TOM1L2: variants seen among roughly 807,000 people sequenced by gnomAD.
The protein encoded by TOM1L2 is TOM1-like protein 2.
Under a neutral mutation model 67.9 loss-of-function variants are expected in TOM1L2, and 31 were observed. The ratio of observed to expected loss-of-function variants is 0.46; its 90% CI spans 0.34 to 0.62. The LOEUF is 0.62. Ranked by LOEUF, TOM1L2 falls within the 20% of genes least tolerant of loss-of-function variation. TOM1L2 has a pLI of 0.01. For synonymous variants in TOM1L2, 256 were observed against 254.0 expected (o/e 1.01, Z -0.07); for missense variants, 606 against 663.5 (o/e 0.91, Z 0.95).
chr17:17,874,157 T>C (rs1015827927), intron 7 of TOM1L2, among the ~76,000 whole-genome samples: 1 of 152,080 alleles, frequency 6.6e-6, no homozygotes, highest in Non-Finnish European at 1.5e-5. Flanking sequence ...GGTTTTACCA[T>C]GTTAGTCAGG....
rs553683004 is a variant in TOM1L2, at chr17:17,889,395, G to A, written c.366+4266C>T. Among the ~76,000 whole-genome samples, 4 of 152,280 alleles carry A rather than the reference G, an allele frequency of 2.6e-5. No homozygotes were observed. In the South Asian group the frequency reaches 6.2e-4, roughly 24 times the overall value. On this transcript the variant is annotated intron_variant, in intron 4 of 14. Coordinates refer to ENST00000379504, the MANE Select transcript of TOM1L2 (RefSeq NM_001082968.2). ...GGGCTGGGGGCAGGCAGATATGCAC[G>A]GATGAGCTCTATCACCCACTTCCCT...
intron 1 of TOM1L2, among the ~76,000 whole-genome samples, chr17:17,927,171 T>C (rs2040124871): frequency 6.6e-6 from 1 of 152,204 alleles, no homozygotes; most frequent in Admixed American, 6.5e-5. Flanking sequence ...CTAGTTTCTT[T>C]AGCACTAAAA....
intron 1 of TOM1L2, among the ~76,000 whole-genome samples, chr17:17,958,679 G>GT (rs2041566749): frequency 6.6e-6 from 1 of 152,178 alleles, no homozygotes; most frequent in Non-Finnish European, 1.5e-5. Flanking sequence ...CTGTGATACA[G>GT]TAAGAAATAT....
At chr17:17,874,007 G>C (rs2037292444) in intron 7 of TOM1L2, among the ~76,000 whole-genome samples, 3 of 151,198 alleles carry the variant, frequency 2.0e-5, no homozygotes, top group Admixed American at 2.0e-4. Context: ...CCAGCCTGGA[G>C]TGCAGTGGCA....
chr17:17,930,059 ACACTC>A (rs1245440330), intron 1 of TOM1L2, among the ~76,000 whole-genome samples: 3 of 152,174 alleles, frequency 2.0e-5, no homozygotes, highest in Non-Finnish European at 4.4e-5. Context: ...CATGGTTAAG[ACACTC>A]CATTCCAAAA....
intron 7 of TOM1L2, chr17:17,871,947 A>G (rs1159012132): frequency 1.0e-6 from 1 of 982,758 alleles, no homozygotes; most frequent in Admixed American, 6.2e-5. Flanking sequence ...TAAAGAGAAA[A>G]CTCCACAAAA....
chr17:17,928,625 G>T (rs1318295423), intron 1 of TOM1L2, among the ~76,000 whole-genome samples: 1 of 152,130 alleles, frequency 6.6e-6, no homozygotes, highest in Non-Finnish European at 1.5e-5. Context: ...ACTCTTCTGG[G>T]ATCTCACAGT....
At chr17:17,874,569 C>A (rs971562883) in intron 7 of TOM1L2, among the ~76,000 whole-genome samples, 1 of 152,184 alleles carries the variant, frequency 6.6e-6, no homozygotes, top group Non-Finnish European at 1.5e-5. Context: ...CTATGCCTGG[C>A]CTCCATTACT....
At chr17:17,903,646 A>G (rs2038958769) in intron 2 of TOM1L2, among the ~76,000 whole-genome samples, 1 of 151,542 alleles carries the variant, frequency 6.6e-6, no homozygotes, top group Non-Finnish European at 1.5e-5. Flanking sequence ...GGTAAAACAG[A>G]TGGAAATCCT....
chr17:17,864,212 A>ATTTT (rs371634438), intron 10 of TOM1L2, among the ~76,000 whole-genome samples: 1 of 137,606 alleles, frequency 7.3e-6, no homozygotes, highest in African/African-American at 2.8e-5. Context: ...ATCCAATTTG[A>ATTTT]TTTTTTTTTT....
At chr17:17,893,255 T>C (rs1308958550) in intron 4 of TOM1L2, among the ~76,000 whole-genome samples, 3 of 152,188 alleles carry the variant, frequency 2.0e-5, no homozygotes, top group Non-Finnish European at 4.4e-5. Context: ...ATCTCCTCAG[T>C]GAAACATCCC....
At chr17:17,964,588 G>A (rs963329729) in intron 1 of TOM1L2, among the ~76,000 whole-genome samples, 10 of 151,764 alleles carry the variant, frequency 6.6e-5, no homozygotes, top group Admixed American at 2.6e-4. Context: ...GTTATACATC[G>A]TTTTGTAAAA....
intron 1 of TOM1L2, among the ~76,000 whole-genome samples, chr17:17,923,950 A>C (rs746637566): frequency 5.3e-5 from 8 of 152,118 alleles, no homozygotes; most frequent in South Asian, 2.1e-4. Context: ...AGCCTGGCCA[A>C]CATGGTGAAA....
chr17:17,921,841 G>GC (rs2144613503), intron 1 of TOM1L2, among the ~76,000 whole-genome samples: 1 of 152,266 alleles, frequency 6.6e-6, no homozygotes, highest in East Asian at 1.9e-4. Context: ...TCCCCAGAGC[G>GC]CCTCCCAGGG....
chr17:17,898,772 G>C, intron 2 of TOM1L2, 98 bp from the exon 3 acceptor site: 1 of 1,192,120 alleles, frequency 8.4e-7, no homozygotes, highest in Non-Finnish European at 1.2e-6. Context: ...ACTATTTGCT[G>C]GCTGCAGCAT....
Position 17,948,162 on chromosome 17 carries a change from T to A in TOM1L2, c.52+24100A>T, listed in dbSNP as rs184837957. Among the ~76,000 whole-genome samples the A allele has an allele frequency of 7.4e-4, 112 of 152,358 alleles. No individual in the cohort carries two copies. In the Middle Eastern group the frequency reaches 0.02, roughly 28 times the overall value. ...CATTAAGTTCCTTAGTCAAATAGTT[T>A]CATTTTGAAAGACCAAGTGTACTAA... is the stretch of plus-strand genomic sequence containing the variant. On this transcript the variant is annotated intron_variant, in intron 1 of 14. Transcript: ENST00000379504.
intron 7 of TOM1L2, among the ~76,000 whole-genome samples, chr17:17,871,378 A>C (rs1475318810): frequency 6.6e-6 from 1 of 151,386 alleles, no homozygotes; most frequent in Non-Finnish European, 1.5e-5. Flanking sequence ...CTCAAAAAAA[A>C]GTATTCAGAG....
At chr17:17,912,195 C>T (rs1456855869) in intron 1 of TOM1L2, among the ~76,000 whole-genome samples, 5 of 151,756 alleles carry the variant, frequency 3.3e-5, no homozygotes, top group African/African-American at 4.8e-5. Context: ...GGGTGGTGGC[C>T]GGGCAGAGGG....
At chr17:17,871,961 C>G in intron 7 of TOM1L2, 2 of 985,202 alleles carry the variant, frequency 2.0e-6, no homozygotes, top group South Asian at 9.4e-5. Flanking sequence ...CACAAAATAC[C>G]CACTCTCCTC....
Sources: allele counts gnomAD v4.1 joint callset (sites outside exome capture counted in the v4.1 genomes callset), GRCh38; gene constraint gnomAD v4.1.1; transcripts MANE v1.5; gene names NCBI Gene and HGNC (gene_info 2026-07-23, HGNC 2026-07-21).